The following NR6A1 variants were observed in gnomAD, a reference collection of about 807,000 sequenced individuals.
NR6A1 encodes retinoic acid receptor-related testis-associated receptor.
In NR6A1, 7 loss-of-function variants were observed where a neutral mutation model predicts 59.1. The ratio of observed to expected loss-of-function variants is 0.12; its 90% CI spans 0.07 to 0.22. The LOEUF is 0.22. Among genes scored for constraint, NR6A1 ranks in the 10% least tolerant of loss-of-function variants. NR6A1 has a pLI of 1.00. For missense variants in NR6A1, 468 were observed against 611.6 expected, an observed-to-expected ratio of 0.77 and a Z score of 2.48; for synonymous variants, 243 against 236.1, an observed-to-expected ratio of 1.03 and a Z score of -0.27.
chr9:124,529,716 T>C (rs753828988), intron 7 of NR6A1, among the ~76,000 whole-genome samples: 2 of 152,132 alleles, frequency 1.3e-5, no homozygotes, highest in Non-Finnish European at 2.9e-5. Context: ...GGGCCCAACC[T>C]TGGGAGGATG....
intron 2 of NR6A1, among the ~76,000 whole-genome samples, chr9:124,704,086 C>T (rs1839048883): frequency 6.6e-6 from 1 of 152,120 alleles, no homozygotes; most frequent in Admixed American, 6.5e-5. Context: ...TTTCTATTTC[C>T]TCTAGAGTCA....
At chr9:124,711,693 T>C (rs1298230768) in intron 2 of NR6A1, among the ~76,000 whole-genome samples, 1 of 152,166 alleles carries the variant, frequency 6.6e-6, no homozygotes, top group Admixed American at 6.5e-5. Context: ...TACCTCCTAC[T>C]GCCAATATTC....
At chr9:124,599,024 C>A in intron 2 of NR6A1, 1 of 742,848 alleles carries the variant, frequency 1.3e-6, no homozygotes, top group East Asian at 2.5e-5. Context: ...CTTGTCCCTC[C>A]TCATGAGGAG....
chr9:124,751,216 CA>C (rs1840490091), intron 1 of NR6A1, among the ~76,000 whole-genome samples: 1 of 152,210 alleles, frequency 6.6e-6, no homozygotes, highest in Non-Finnish European at 1.5e-5. Flanking sequence ...AGACACTAGT[CA>C]CACCCAAGTA....
chr9:124,614,048 C>T (rs1414892056), intron 2 of NR6A1, among the ~76,000 whole-genome samples: 1 of 152,114 alleles, frequency 6.6e-6, no homozygotes, highest in Non-Finnish European at 1.5e-5. Flanking sequence ...AAATACCCAC[C>T]GAAGCCCTGA....
At position 124,664,621 on chromosome 9, in the gene NR6A1, G is replaced by GATGA. The variant is rs533464862; in HGVS notation, c.142+68683_142+68686dup. On this transcript the variant is annotated intron_variant, in intron 2 of 9. Coordinates refer to ENST00000487099, the MANE Select transcript of NR6A1 (RefSeq NM_033334.4). ...TAAATAAATAGATAATGAATGAATGGATGAATGAATGATTCTGATAAATCA... is the reference window on the plus strand; with the variant it reads ...TAAATAAATAGATAATGAATGAATGGATGAATGAATGAATGATTCTGATAAATCA... Among the ~76,000 whole-genome samples, 89 of 152,282 alleles carry GATGA rather than the reference G, an allele frequency of 5.8e-4. 1 individual carries two copies. In the South Asian group the frequency reaches 0.018, roughly 31 times the overall value.
chr9:124,590,184 C>T (rs552428578), intron 2 of NR6A1, among the ~76,000 whole-genome samples: 14 of 146,758 alleles, frequency 9.5e-5, no homozygotes, highest in Admixed American at 2.1e-4. Flanking sequence ...AGGATGCTAA[C>T]AGAGAAACAG....
At chr9:124,680,088 G>GTA (rs202067118) in intron 2 of NR6A1, among the ~76,000 whole-genome samples, 2 of 137,444 alleles carry the variant, frequency 1.5e-5, no homozygotes, top group African/African-American at 6.9e-5. Flanking sequence ...CTGTGTGTAT[G>GTA]TATGTGTGTG....
intron 2 of NR6A1, among the ~76,000 whole-genome samples, chr9:124,682,573 T>C (rs1228827173): frequency 1.3e-5 from 2 of 152,214 alleles, no homozygotes; most frequent in African/African-American, 4.8e-5. Context: ...AAAATAGCTA[T>C]TTTTACAGCT....
chr9:124,686,431 A>T (rs557511364), intron 2 of NR6A1, among the ~76,000 whole-genome samples: 1 of 152,336 alleles, frequency 6.6e-6, no homozygotes, highest in Non-Finnish European at 1.5e-5. Flanking sequence ...TTCATTCTTC[A>T]ATTTCCATGA....
At chr9:124,623,101 T>C (rs571212388) in intron 2 of NR6A1, among the ~76,000 whole-genome samples, 5 of 152,110 alleles carry the variant, frequency 3.3e-5, no homozygotes, top group Non-Finnish European at 7.4e-5. Flanking sequence ...GGCAGGATTG[T>C]CTCTGCCTCT....
In NR6A1 at chr9:124,703,123, T is replaced by A. The variant is rs566035789; in HGVS notation, c.142+30185A>T. ...TTTCACCATGTTGGTCAAGCTGGTC[T>A]CGAACTCCTGACCTCAACTGATCTG... On this transcript the variant is annotated intron_variant, in intron 2 of 9. Coordinates refer to ENST00000487099, the MANE Select transcript of NR6A1 (RefSeq NM_033334.4). Among the ~76,000 whole-genome samples, 17 of 151,970 alleles carry A rather than the reference T, an allele frequency of 1.1e-4. No homozygotes were observed. The South Asian group carries it at 3.5e-3, about 32-fold the overall frequency.
chr9:124,643,388 C>G (rs1473989869), intron 2 of NR6A1, among the ~76,000 whole-genome samples: 8 of 151,708 alleles, frequency 5.3e-5, no homozygotes, highest in Middle Eastern at 3.4e-3. Flanking sequence ...ATCACTTGAG[C>G]CCAGGAGTTC....
chr9:124,608,341 G>A (rs2130836341), intron 2 of NR6A1, among the ~76,000 whole-genome samples: 1 of 151,546 alleles, frequency 6.6e-6, no homozygotes, highest in East Asian at 1.9e-4. Flanking sequence ...CCCTCCCTGT[G>A]TCTGTGTGTT....
intron 2 of NR6A1, among the ~76,000 whole-genome samples, chr9:124,615,337 C>A (rs1032960693): frequency 2.6e-5 from 4 of 152,102 alleles, no homozygotes; most frequent in Admixed American, 1.3e-4. Flanking sequence ...TGAGAGGAAA[C>A]TGGAGTAGGC....
Position 124,588,874 on chromosome 9 carries a change from C to T in NR6A1, c.143-34304G>A, listed in dbSNP as rs1311074061. Among the ~76,000 whole-genome samples, 5 of 140,766 alleles carry T rather than the reference C, an allele frequency of 3.6e-5. 1 individual carries two copies. Among genetic ancestry groups the T allele is most frequent in the Non-Finnish European group, 7.7e-5 (5 of 65,174 alleles). 92.3% of individuals were successfully genotyped at this position (140,766 alleles called of 152,430 possible). On this transcript the variant is annotated intron_variant, in intron 2 of 9. Coordinates refer to ENST00000487099, the MANE Select transcript of NR6A1 (RefSeq NM_033334.4). Reference sequence around the variant, plus strand: ...AGCAGAGCTTGCAGTGAGCCGAGATCGTGCCACTGCACTCCAGACTGGGCG... The same window carrying T: ...AGCAGAGCTTGCAGTGAGCCGAGATTGTGCCACTGCACTCCAGACTGGGCG...
At position 124,518,377 on chromosome 9, in the gene NR6A1, C is replaced by G. The variant is rs559071117; in HGVS notation, c.*4328G>C. ...CAGCTTGCTCCAGACTTGGCAGGCTCTCTGGAGTTCCCGCCTTGGAGGAAA... is the reference window on the plus strand; with the variant it reads ...CAGCTTGCTCCAGACTTGGCAGGCTGTCTGGAGTTCCCGCCTTGGAGGAAA... On this transcript the variant is annotated 3_prime_UTR_variant, in exon 10 of 10. Transcript: ENST00000487099. 1 of 152,010 alleles carries G rather than the reference C, an allele frequency of 6.6e-6. No individual in the cohort carries two copies. The highest frequency in any genetic ancestry group is 2.4e-5 in the African/African-American group (1 of 41,412). The allele number at this position is 152,010 out of a possible 1,614,324, so 9.4% of individuals were successfully genotyped here.
chr9:124,762,876 G>A (rs547798076), intron 1 of NR6A1, among the ~76,000 whole-genome samples: 1 of 152,308 alleles, frequency 6.6e-6, no homozygotes, highest in African/African-American at 2.4e-5. Flanking sequence ...CAAGCTCTTA[G>A]TGGCAAGTAC....
intron 2 of NR6A1, among the ~76,000 whole-genome samples, chr9:124,661,904 A>G (rs1019971675): frequency 6.6e-6 from 1 of 152,232 alleles, no homozygotes; most frequent in Non-Finnish European, 1.5e-5. Flanking sequence ...AGACATTTCT[A>G]TCACTGCAGA....
Sources: allele counts gnomAD v4.1 joint callset (sites outside exome capture counted in the v4.1 genomes callset), GRCh38; gene constraint gnomAD v4.1.1; transcripts MANE v1.5; gene names NCBI Gene and HGNC (gene_info 2026-07-23, HGNC 2026-07-21).